VSNL1: variants seen among roughly 807,000 people sequenced by gnomAD.
The protein encoded by VSNL1 is visinin-like protein 1.
In VSNL1, 6 loss-of-function variants were observed where a neutral mutation model predicts 20.4. The observed-to-expected ratio is 0.29, with a 90% confidence interval of 0.16 to 0.58. The LOEUF is 0.58. Ranked by LOEUF, VSNL1 falls within the 20% of genes least tolerant of loss-of-function variation. VSNL1 has a pLI of 0.90. For synonymous variants in VSNL1, 93 were observed against 86.4 expected, an observed-to-expected ratio of 1.08 and a Z score of -0.42; for missense variants, 100 against 234.5, an observed-to-expected ratio of 0.43 and a Z score of 3.75.
At chr2:17,566,810 G>A (rs1663957448) in intron 1 of VSNL1, among the ~76,000 whole-genome samples, 1 of 152,122 alleles carries the variant, frequency 6.6e-6, no homozygotes, top group South Asian at 2.1e-4. Flanking sequence ...TTGGTGTGAG[G>A]TTGAAATCTA....
In VSNL1 at chr2:17,643,101, A is replaced by AC; in HGVS notation, c.163-6308dup. On this transcript the variant is annotated intron_variant, in intron 2 of 3. Transcript: ENST00000295156. Reference sequence around the variant, plus strand: ...AGGCTGCACCTACCTTTGGCTTATCACATCTGCTTGAGGGCAGAGACCAGA... The same window carrying AC: ...AGGCTGCACCTACCTTTGGCTTATCACCATCTGCTTGAGGGCAGAGACCAGA... 2.0e-5 allele frequency among the ~76,000 whole-genome samples: 3 copies of AC among 152,200 alleles called. No homozygotes were observed. In the Middle Eastern group the frequency reaches 0.01, roughly 518 times the overall value.
intron 2 of VSNL1, among the ~76,000 whole-genome samples, chr2:17,609,249 G>T (rs1243172164): frequency 6.6e-6 from 1 of 152,148 alleles, no homozygotes; most frequent in Non-Finnish European, 1.5e-5. Flanking sequence ...ACATAAGCTG[G>T]TAGGAAGGAG....
At chr2:17,560,479 A>T (rs1663788194) in intron 1 of VSNL1, among the ~76,000 whole-genome samples, 1 of 152,162 alleles carries the variant, frequency 6.6e-6, no homozygotes, top group Non-Finnish European at 1.5e-5. Context: ...ATAAGATTTT[A>T]TGAATTATCA....
At chr2:17,543,930 T>C (rs17380345) in intron 1 of VSNL1, among the ~76,000 whole-genome samples, 4,457 of 152,296 alleles carry the variant, frequency 0.029, 62 homozygotes, top group Middle Eastern at 0.054. Flanking sequence ...TAACATTCTA[T>C]GCCTCCTAAA....
chr2:17,582,213 G>A (rs907355508), intron 1 of VSNL1, among the ~76,000 whole-genome samples: 3 of 152,102 alleles, frequency 2.0e-5, no homozygotes, highest in African/African-American at 4.8e-5. Flanking sequence ...AACTAAAGAG[G>A]TGCCAGGAGG....
chr2:17,614,204 T>TTACCA (rs1319678735), intron 2 of VSNL1, among the ~76,000 whole-genome samples: 1 of 152,232 alleles, frequency 6.6e-6, no homozygotes, highest in Non-Finnish European at 1.5e-5. Flanking sequence ...GGGGCCCCTC[T>TTACCA]TACCACTGTT....
intron 2 of VSNL1, among the ~76,000 whole-genome samples, chr2:17,643,317 A>C (rs1665923737): frequency 1.3e-5 from 2 of 152,168 alleles, no homozygotes; most frequent in Non-Finnish European, 2.9e-5. Flanking sequence ...CCATGTGACT[A>C]AAGTGCAAGT....
chr2:17,578,159 G>A (rs1207555801), intron 1 of VSNL1, among the ~76,000 whole-genome samples: 1 of 152,130 alleles, frequency 6.6e-6, no homozygotes, highest in Non-Finnish European at 1.5e-5. Flanking sequence ...TGAATGAACA[G>A]GATAAGAAAA....
At chr2:17,553,301 T>C (rs1208028560) in intron 1 of VSNL1, among the ~76,000 whole-genome samples, 1 of 152,184 alleles carries the variant, frequency 6.6e-6, no homozygotes, top group African/African-American at 2.4e-5. Context: ...TTCTGCTGTT[T>C]CCCATATGAA....
chr2:17,571,136 A>G (rs1022405618), intron 1 of VSNL1, among the ~76,000 whole-genome samples: 5 of 152,200 alleles, frequency 3.3e-5, no homozygotes, highest in Non-Finnish European at 5.9e-5. Context: ...GAGGGAAAGA[A>G]ATAGACTTAT....
At chr2:17,646,710 T>G (rs1369308957) in intron 2 of VSNL1, among the ~76,000 whole-genome samples, 1 of 152,132 alleles carries the variant, frequency 6.6e-6, no homozygotes, top group East Asian at 1.9e-4. Context: ...ATGTCAAAAT[T>G]TAATACAAGA....
In VSNL1 at chr2:17,649,304, C is replaced by A; in HGVS notation, c.163-106C>A. 8.9e-7 allele frequency: 1 copy of A among 1,127,042 alleles called. No individual in the cohort carries two copies. The highest frequency in any genetic ancestry group is 1.3e-6 in the Non-Finnish European group (1 of 758,762). The allele number at this position is 1,127,042 out of a possible 1,614,324, so 69.8% of individuals were successfully genotyped here. The stretch of plus-strand genomic sequence containing the variant: ...CCAAACTGCTCTCCAATGGGTGAGG[C>A]TCCGACAACGCCCAGGAGCACCTGT... On this transcript the variant is annotated intron_variant, in intron 2 of 3. Coordinates refer to ENST00000295156, the MANE Select transcript of VSNL1 (RefSeq NM_003385.5). This position sits in a 1 kb window ranked among gnomAD's most constrained non-coding sequence, Gnocchi z 6.4.
At chr2:17,602,734 C>T (rs1427854432) in intron 2 of VSNL1, among the ~76,000 whole-genome samples, 1 of 151,286 alleles carries the variant, frequency 6.6e-6, no homozygotes, top group African/African-American at 2.4e-5. Context: ...AGTAAGACTC[C>T]ATCTCAAAAA....
intron 2 of VSNL1, among the ~76,000 whole-genome samples, chr2:17,607,058 C>T (rs1664960451): frequency 6.6e-6 from 1 of 152,104 alleles, no homozygotes. Flanking sequence ...CAGAATTAGT[C>T]CTGAAACAGG....
chr2:17,563,362 A>G (rs2103349944), intron 1 of VSNL1, among the ~76,000 whole-genome samples: 1 of 152,328 alleles, frequency 6.6e-6, no homozygotes, highest in South Asian at 2.1e-4. Context: ...GCTTGTTTGC[A>G]AATTCATTGT....
intron 3 of VSNL1, among the ~76,000 whole-genome samples, chr2:17,654,442 ATTC>A (rs1465364119): frequency 1.2e-4 from 18 of 152,202 alleles, no homozygotes; most frequent in African/African-American, 3.4e-4. Context: ...TGGCCCCACA[ATTC>A]TTCTTTTCCT....
chr2:17,575,879 A>G (rs1664201199), intron 1 of VSNL1, among the ~76,000 whole-genome samples: 1 of 152,232 alleles, frequency 6.6e-6, no homozygotes, highest in Admixed American at 6.5e-5. Flanking sequence ...TTAATATATA[A>G]GTTAATATGA....
chr2:17,575,230 A>C (rs550904203), intron 1 of VSNL1, among the ~76,000 whole-genome samples: 1 of 152,268 alleles, frequency 6.6e-6, no homozygotes, highest in East Asian at 1.9e-4. Flanking sequence ...TCACCTCCCA[A>C]CCCGGGAGGG....
rs191956064 is a variant in VSNL1 at position 17,600,103 on chromosome 2, C to G, written c.162+7867C>G. 2.6e-5 allele frequency among the ~76,000 whole-genome samples: 4 copies of G among 152,342 alleles called. No homozygotes were observed. The East Asian group carries it at 5.8e-4, about 22-fold the overall frequency. ...TTAGCAAGGACATTCTGTTCTGCAA[C>G]CTGAATACAGGTAAATGCAGTGTGA... is the stretch of plus-strand genomic sequence containing the variant. On this transcript the variant is annotated intron_variant, in intron 2 of 3. Coordinates refer to ENST00000295156, the MANE Select transcript of VSNL1 (RefSeq NM_003385.5).
Sources: gnomAD v4.1 joint callset for allele counts (sites outside exome capture counted in the v4.1 genomes callset) on GRCh38, gnomAD v4.1.1 for gene constraint, Gnocchi (gnomAD v3.1) non-coding constraint, MANE v1.5 for transcripts, NCBI Gene and HGNC (gene_info 2026-07-23, HGNC 2026-07-21) for gene names.